NTF3: variants seen among roughly 807,000 people sequenced by gnomAD.
The protein encoded by NTF3 is neurotrophin-3.
A neutral mutation model predicts 26.3 loss-of-function variants in NTF3; 8 were observed. That is an observed-to-expected ratio of 0.30 (90% CI 0.18 to 0.55). NTF3 has a LOEUF of 0.55. Ranked by LOEUF, NTF3 falls within the 20% of genes least tolerant of loss-of-function variation. NTF3 has a pLI of 0.93. For missense variants in NTF3, 276 were observed against 352.9 expected, an observed-to-expected ratio of 0.78 and a Z score of 1.75; for synonymous variants, 154 against 145.5, an observed-to-expected ratio of 1.06 and a Z score of -0.42.
intron 1 of NTF3, chr12:5,432,994 C>T (rs1940116674): frequency 6.6e-6 from 1 of 152,328 alleles, no homozygotes; most frequent in Non-Finnish European, 1.5e-5. Flanking sequence ...ACGCGCAGCT[C>T]AGGACCCGGA....
intron 1 of NTF3, among the ~76,000 whole-genome samples, chr12:5,474,805 G>A (rs1940703231): frequency 6.6e-6 from 1 of 152,192 alleles, no homozygotes; most frequent in Non-Finnish European, 1.5e-5. Flanking sequence ...TTGAGAAATA[G>A]GAGGAGGCAG....
At chr12:5,445,226 A>G (rs1171427979) in intron 1 of NTF3, among the ~76,000 whole-genome samples, 1 of 150,772 alleles carries the variant, frequency 6.6e-6, no homozygotes, top group East Asian at 2.0e-4. Flanking sequence ...TCTTGGGCAT[A>G]TGAAGGGGTC....
chr12:5,446,116 A>G (rs1393827170), intron 1 of NTF3, among the ~76,000 whole-genome samples: 1 of 152,140 alleles, frequency 6.6e-6, no homozygotes, highest in Non-Finnish European at 1.5e-5. Context: ...AGAACCAGAT[A>G]TTATACCAGG....
In NTF3 at chr12:5,451,476, G is replaced by A. The variant is rs115599239; in HGVS notation, c.18+19134G>A. Among the ~76,000 whole-genome samples the A allele has an allele frequency of 6.9e-3, 1,057 of 152,280 alleles. 8 individuals carry two copies. The highest frequency in any genetic ancestry group is 0.024 in the African/African-American group (1,006 of 41,544). Reference sequence around the variant, plus strand: ...CTTTGGGGATCCTTCCAGAAGTAGTGATGACGTACAGCATTCTTTCTGATT... The same window carrying A: ...CTTTGGGGATCCTTCCAGAAGTAGTAATGACGTACAGCATTCTTTCTGATT... On this transcript the variant is annotated intron_variant, in intron 1 of 1. Transcript: ENST00000423158.
At chr12:5,473,630 G>C (rs1433171842) in intron 1 of NTF3, among the ~76,000 whole-genome samples, 1 of 152,342 alleles carries the variant, frequency 6.6e-6, no homozygotes, top group East Asian at 1.9e-4. Context: ...TAGGTGGAGT[G>C]TGAGAGAGAG....
intron 1 of NTF3, among the ~76,000 whole-genome samples, chr12:5,449,105 G>A (rs974340520): frequency 1.3e-5 from 2 of 152,210 alleles, no homozygotes; most frequent in Non-Finnish European, 2.9e-5. Context: ...AGGGTACCTG[G>A]AGTTCCTAAG....
chr12:5,448,689 C>A (rs772754645), intron 1 of NTF3, among the ~76,000 whole-genome samples: 1 of 152,160 alleles, frequency 6.6e-6, no homozygotes, highest in Non-Finnish European at 1.5e-5. Context: ...GAAGAAGGAG[C>A]AATCAAAGCC....
intron 1 of NTF3, among the ~76,000 whole-genome samples, chr12:5,451,299 A>G (rs1005501904): frequency 2.6e-5 from 4 of 152,236 alleles, no homozygotes; most frequent in Admixed American, 2.6e-4. Context: ...ATCTAATCTG[A>G]AACACAAAGC....
At chr12:5,478,026 G>A (rs1565394285) in intron 1 of NTF3, among the ~76,000 whole-genome samples, 1 of 152,162 alleles carries the variant, frequency 6.6e-6, no homozygotes, top group Non-Finnish European at 1.5e-5. Flanking sequence ...AAATGTTAAT[G>A]TATTTACACC....
intron 1 of NTF3, among the ~76,000 whole-genome samples, chr12:5,442,715 T>G (rs1158686533): frequency 1.3e-5 from 2 of 152,148 alleles, no homozygotes; most frequent in Non-Finnish European, 2.9e-5. Context: ...TTTAGTAATT[T>G]TTTTAGAATT....
chr12:5,461,469 T>C (rs1009591975), intron 1 of NTF3, among the ~76,000 whole-genome samples: 22 of 152,320 alleles, frequency 1.4e-4, no homozygotes, highest in African/African-American at 5.1e-4. Flanking sequence ...TCATTCTCCA[T>C]GTTCTCTGTG....
At chr12:5,481,501 G>C (rs971865622) in intron 1 of NTF3, among the ~76,000 whole-genome samples, 1 of 11,934 alleles carries the variant, frequency 8.4e-5, no homozygotes, top group Non-Finnish European at 2.0e-4. Context: ...CAGATACACA[G>C]AATACCACAC....
intron 1 of NTF3, among the ~76,000 whole-genome samples, chr12:5,447,171 G>A (rs562979044): frequency 6.6e-6 from 1 of 152,328 alleles, no homozygotes; most frequent in Non-Finnish European, 1.5e-5. Flanking sequence ...ATCACCTTCA[G>A]CTATAGCTTT....
chr12:5,431,036 T>C (rs1940079934), upstream of NTF3, among the ~76,000 whole-genome samples: 1 of 151,942 alleles, frequency 6.6e-6, no homozygotes, highest in South Asian at 2.1e-4. Flanking sequence ...TGACTTAACT[T>C]GGTAAATTTA....
chr12:5,452,245 G>A (rs894850597), intron 1 of NTF3, among the ~76,000 whole-genome samples: 15 of 151,742 alleles, frequency 9.9e-5, no homozygotes, highest in Non-Finnish European at 1.3e-4. Flanking sequence ...ACAGGCGCCC[G>A]CCACCACGCC....
intron 1 of NTF3, among the ~76,000 whole-genome samples, chr12:5,462,665 A>G (rs1308980681): frequency 6.6e-6 from 1 of 152,230 alleles, no homozygotes; most frequent in Admixed American, 6.5e-5. Flanking sequence ...AGGCAGATGG[A>G]GAACAGCTGG....
At chr12:5,487,925 G>T (rs4930818) in intron 1 of NTF3, among the ~76,000 whole-genome samples, 66,271 of 151,922 alleles carry the variant, frequency 0.44, 14,497 homozygotes, top group South Asian at 0.51. Context: ...TGCGTCAGCA[G>T]GTTTTGGGGA....
At chr12:5,451,600 C>T (rs1362623454) in intron 1 of NTF3, among the ~76,000 whole-genome samples, 1 of 152,130 alleles carries the variant, frequency 6.6e-6, no homozygotes, top group Non-Finnish European at 1.5e-5. Flanking sequence ...ACCTTCAATA[C>T]CCTTTGACAT....
At chr12:5,480,671 G>A (rs1940779385) in intron 1 of NTF3, among the ~76,000 whole-genome samples, 2 of 152,112 alleles carry the variant, frequency 1.3e-5, no homozygotes, top group South Asian at 4.1e-4. Flanking sequence ...GGGCCACTCT[G>A]GGGAGAGGCA....
Sources: allele counts gnomAD v4.1 joint callset (sites outside exome capture counted in the v4.1 genomes callset), GRCh38; gene constraint gnomAD v4.1.1; transcripts MANE v1.5; gene names NCBI Gene and HGNC (gene_info 2026-07-23, HGNC 2026-07-21).